The following SPOCK3 variants were observed in gnomAD, a reference collection of about 807,000 sequenced individuals.
The protein encoded by SPOCK3 is SPARC (osteonectin), cwcv and kazal like domains proteoglycan 3.
In SPOCK3, 30 loss-of-function variants were observed where a neutral mutation model predicts 56.6. The observed-to-expected ratio is 0.53, with a 90% CI of 0.40 to 0.72. The LOEUF (loss-of-function observed/expected upper bound fraction) is 0.72, where lower values mean the gene tolerates loss of function less well. SPOCK3 is among the 30% of genes least tolerant of loss of function. The pLI, the probability that SPOCK3 is intolerant of heterozygous loss-of-function variation, is 0.00. For missense variants in SPOCK3, 527 were observed against 530.0 expected, an observed-to-expected ratio of 0.99 and a Z score of 0.06; for synonymous variants, 196 against 183.3, an observed-to-expected ratio of 1.07 and a Z score of -0.56.
chr4:167,104,479 T>C (rs1369974709), intron 2 of SPOCK3, among the ~76,000 whole-genome samples: 1 of 151,942 alleles, frequency 6.6e-6, no homozygotes. Flanking sequence ...GTAACAGAAC[T>C]GAGCAAGGAG....
intron 6 of SPOCK3, chr4:166,882,700 G>A (rs1450156244): frequency 6.6e-6 from 1 of 152,056 alleles, no homozygotes; most frequent in Non-Finnish European, 1.5e-5. Context: ...TTAAAATTTA[G>A]TCCAACATCA....
chr4:166,930,508 T>C (rs1035196252), intron 4 of SPOCK3, among the ~76,000 whole-genome samples: 1 of 151,042 alleles, frequency 6.6e-6, no homozygotes, highest in Admixed American at 6.6e-5. Context: ...AAGACAATGA[T>C]AGTCACAGTT....
At chr4:166,929,461 C>T (rs917627901) in intron 4 of SPOCK3, among the ~76,000 whole-genome samples, 1 of 152,090 alleles carries the variant, frequency 6.6e-6, no homozygotes, top group African/African-American at 2.4e-5. Flanking sequence ...TATTAAACTC[C>T]TTTATTTTCA....
At position 167,084,668 on chromosome 4, in the gene SPOCK3, G is replaced by A. The variant is rs75838288; in HGVS notation, c.190-22131C>T. 3.9e-3 allele frequency among the ~76,000 whole-genome samples: 595 copies of A among 152,172 alleles called. 8 individuals carry two copies. Among genetic ancestry groups the A allele is most frequent in the Admixed American group, 0.025 (382 of 15,252 alleles). On this transcript the variant is annotated intron_variant, in intron 2 of 10. Transcript: ENST00000357545. ...AGTCTGGGAGGGATCCACACTAAAG[G>A]AGCTTAGGTATCTGAGGTGCCCACC...
At chr4:166,974,456 T>G (rs1338316293) in intron 4 of SPOCK3, among the ~76,000 whole-genome samples, 2 of 152,184 alleles carry the variant, frequency 1.3e-5, no homozygotes, top group Non-Finnish European at 2.9e-5. Flanking sequence ...CATATTATTT[T>G]GCTAATCATT....
intron 2 of SPOCK3, among the ~76,000 whole-genome samples, chr4:167,230,925 C>A (rs982853427): frequency 2.6e-5 from 4 of 152,202 alleles, no homozygotes; most frequent in Non-Finnish European, 5.9e-5. Context: ...AACACCTACT[C>A]ATTGCAAGCT....
intron 5 of SPOCK3, among the ~76,000 whole-genome samples, chr4:166,893,416 A>G (rs1457601039): frequency 1.3e-5 from 2 of 152,164 alleles, no homozygotes; most frequent in African/African-American, 4.8e-5. Flanking sequence ...CAAATCAGCT[A>G]AAGCGAGAAA....
intron 3 of SPOCK3, among the ~76,000 whole-genome samples, chr4:167,058,029 A>G (rs1755104248): frequency 6.6e-6 from 1 of 152,148 alleles, no homozygotes; most frequent in African/African-American, 2.4e-5. Flanking sequence ...TTGACCACAT[A>G]CTTTGAAGTA....
chr4:166,834,187 G>A (rs905292684), intron 6 of SPOCK3, among the ~76,000 whole-genome samples: 3 of 152,054 alleles, frequency 2.0e-5, no homozygotes, highest in African/African-American at 4.8e-5. Context: ...GAAAGTCCAC[G>A]GAAAATAACC....
chr4:166,774,278 G>A (rs1219836504), intron 7 of SPOCK3, among the ~76,000 whole-genome samples: 4 of 152,140 alleles, frequency 2.6e-5, no homozygotes, highest in African/African-American at 7.2e-5. Flanking sequence ...TGGACAGGGA[G>A]TTTCTTACCA....
intron 2 of SPOCK3, among the ~76,000 whole-genome samples, chr4:167,132,426 T>A (rs535763391): frequency 6.6e-6 from 1 of 152,314 alleles, no homozygotes; most frequent in South Asian, 2.1e-4. Context: ...TTTAAAGACA[T>A]GTCTTAGCAT....
intron 3 of SPOCK3, among the ~76,000 whole-genome samples, chr4:167,040,391 GT>G (rs1561150182): frequency 6.6e-6 from 1 of 152,244 alleles, no homozygotes; most frequent in Non-Finnish European, 1.5e-5. Context: ...CTTTAGGCAA[GT>G]CCCTTACCTT....
chr4:167,143,458 C>A (rs1443348452), intron 2 of SPOCK3, among the ~76,000 whole-genome samples: 1 of 151,880 alleles, frequency 6.6e-6, no homozygotes, highest in African/African-American at 2.4e-5. Flanking sequence ...ACATACCTAG[C>A]AAACAGTAAG....
chr4:166,865,242 T>C (rs1225148169), intron 6 of SPOCK3, among the ~76,000 whole-genome samples: 1 of 152,192 alleles, frequency 6.6e-6, no homozygotes, highest in Non-Finnish European at 1.5e-5. Flanking sequence ...TCTTTCATGC[T>C]AAAAACTCTC....
At chr4:166,787,382 A>T (rs1245430580) in intron 7 of SPOCK3, among the ~76,000 whole-genome samples, 1 of 152,200 alleles carries the variant, frequency 6.6e-6, no homozygotes, top group Non-Finnish European at 1.5e-5. Context: ...GACACTAAAT[A>T]TAAATAAGCA....
intron 6 of SPOCK3, among the ~76,000 whole-genome samples, chr4:166,838,164 T>C (rs1192367987): frequency 1.3e-5 from 2 of 152,192 alleles, no homozygotes; most frequent in Admixed American, 6.5e-5. Flanking sequence ...TCTTTAGCTT[T>C]ATCTTGTTTG....
intron 2 of SPOCK3, among the ~76,000 whole-genome samples, chr4:167,138,708 T>G (rs1167266748): frequency 6.6e-6 from 1 of 151,922 alleles, no homozygotes. Context: ...AAGAAAGAGT[T>G]GTCTTAAGAG....
At chr4:166,798,925 C>T (rs1021054101) in intron 6 of SPOCK3, among the ~76,000 whole-genome samples, 1 of 152,044 alleles carries the variant, frequency 6.6e-6, no homozygotes, top group African/African-American at 2.4e-5. Context: ...AAAATACTTG[C>T]ATGAGCAAAT....
intron 7 of SPOCK3, among the ~76,000 whole-genome samples, chr4:166,790,729 A>G (rs10517904): frequency 0.014 from 2,109 of 152,282 alleles, 58 homozygotes; most frequent in African/African-American, 0.048. Context: ...TTCATTATCT[A>G]TCTCCATATC....
Sources: allele counts gnomAD v4.1 joint callset (sites outside exome capture counted in the v4.1 genomes callset), GRCh38; gene constraint gnomAD v4.1.1; transcripts MANE v1.5; gene names NCBI Gene and HGNC (gene_info 2026-07-23, HGNC 2026-07-21).